Variants in SWI5 observed in about 807,000 individuals in gnomAD.
SWI5 encodes the protein DNA repair protein SWI5 homolog.
SWI5 carries 12 observed loss-of-function variants against 17.0 expected under a neutral mutation model. That is an observed-to-expected ratio of 0.71 (90% CI 0.45 to 1.14). SWI5 has a LOEUF of 1.14. SWI5 is among the 50% of genes most tolerant of loss of function. The pLI is 0.00. For synonymous variants in SWI5, 61 were observed against 64.0 expected, an observed-to-expected ratio of 0.95 and a Z score of 0.22; for missense variants, 158 against 162.2, an observed-to-expected ratio of 0.97 and a Z score of 0.14.
intron 2 of SWI5, among the ~76,000 whole-genome samples, chr9:128,283,374 G>A (rs1409197125): frequency 6.6e-6 from 1 of 152,222 alleles, no homozygotes; most frequent in Non-Finnish European, 1.5e-5. Context: ...GTGTGCACCT[G>A]TAATCCCAGC....
chr9:128,276,903 C>T (rs531954449), intron 2 of SWI5, 148 bp downstream of exon 2: 7 of 806,562 alleles, frequency 8.7e-6, no homozygotes, highest in Non-Finnish European at 1.4e-5. Flanking sequence ...CCAGGTCATT[C>T]CCGAATCCCT....
intron 2 of SWI5, among the ~76,000 whole-genome samples, chr9:128,277,608 C>G (rs540780347): frequency 5.9e-5 from 9 of 152,328 alleles, no homozygotes; most frequent in African/African-American, 1.7e-4. Flanking sequence ...ATTGATTTAG[C>G]AACTGCTGCA....
chr9:128,278,517 A>G (rs1041128408), intron 2 of SWI5: 3 of 398,122 alleles, frequency 7.5e-6, no homozygotes, highest in African/African-American at 6.4e-5. Flanking sequence ...CAGTGAGCCG[A>G]GATCACCCTG....
intron 2 of SWI5, among the ~76,000 whole-genome samples, chr9:128,281,216 T>C (rs1348204835): frequency 6.6e-6 from 1 of 151,846 alleles, no homozygotes; most frequent in African/African-American, 2.4e-5. Flanking sequence ...TTTTGTATTT[T>C]CAGTAGAGAC....
exon 1 of SWI5, chr9:128,276,334 T>C: frequency 6.2e-7 from 1 of 1,613,156 alleles, no homozygotes; most frequent in Non-Finnish European, 8.5e-7. Flanking sequence ...GCTCTCCGAC[T>C]CCCGCGCTGG....
chr9:128,277,586 T>C (rs1334495025), intron 2 of SWI5, among the ~76,000 whole-genome samples: 3 of 152,094 alleles, frequency 2.0e-5, no homozygotes, highest in African/African-American at 7.2e-5. Flanking sequence ...GGGAAAGACT[T>C]GGTATTTGTT....
rs200812021 is a variant in SWI5, at chr9:128,276,323, C to T, written c.-18C>T. ...TCCTGGCCCGGTGCACCTGAGAGGT[C>T]GCTCTCCGACTCCCGCGCTGGACCC... On this transcript the variant is annotated 5_prime_UTR_variant, in exon 1 of 5. Transcript: ENST00000418976. The T allele has an allele frequency of 2.1e-5, 34 of 1,613,096 alleles. No homozygotes were observed. In the African/African-American group the frequency reaches 3.7e-4, roughly 18 times the overall value.
At chr9:128,276,085 T>A, upstream of SWI5, 3 of 1,571,306 alleles carry the variant, frequency 1.9e-6, no homozygotes, top group Non-Finnish European at 2.6e-6. Flanking sequence ...AATGGGGGCG[T>A]GGCCTCAAAG....
intron 4 of SWI5, among the ~76,000 whole-genome samples, chr9:128,288,349 C>T (rs1831680930): frequency 5.3e-5 from 8 of 152,218 alleles, no homozygotes; most frequent in Admixed American, 5.2e-4. Flanking sequence ...ATCGAGGAAG[C>T]TCTGTTTCAT....
In SWI5 at chr9:128,286,043, T is replaced by A. The variant is rs1381127768; in HGVS notation, c.328+10T>A. The A allele has an allele frequency of 6.2e-7, 1 of 1,602,280 alleles. No homozygotes were observed. The highest frequency in any genetic ancestry group is 8.6e-7 in the Non-Finnish European group (1 of 1,169,314). On this transcript the variant is annotated intron_variant, in intron 4 of 4. Transcript: ENST00000418976. Reference sequence around the variant, plus strand: ...CTGATGGGCAAACTAGGTGAGTAGTTGGGACTCCAGAGCCACAAGCAGGCA... The same window carrying A: ...CTGATGGGCAAACTAGGTGAGTAGTAGGGACTCCAGAGCCACAAGCAGGCA...
rs190726507 is a variant in SWI5 at position 128,286,265 on chromosome 9, G to A, written c.328+232G>A. The A allele has an allele frequency of 9.8e-4, 489 of 501,316 alleles. 1 individual carries two copies. The highest frequency in any genetic ancestry group is 7.7e-3 in the African/African-American group (403 of 52,320). 31.1% of individuals were successfully genotyped at this position (501,316 alleles called of 1,614,324 possible). A position where few individuals can be genotyped will look rare whatever the true frequency, so the allele number is the denominator to read the frequency against. Reference sequence around the variant, plus strand: ...TTTGGAGCCGCAGCCAGGTTTGAGCGGGGCTTGCCCATCTGCCAGACTGAG... The same window carrying A: ...TTTGGAGCCGCAGCCAGGTTTGAGCAGGGCTTGCCCATCTGCCAGACTGAG... On this transcript the variant is annotated intron_variant, in intron 4 of 4. Coordinates refer to ENST00000418976, the Ensembl canonical transcript of SWI5.
rs1421419774 is a variant in SWI5, at chr9:128,285,094, C to A, written c.233+463C>A. The stretch of plus-strand genomic sequence containing the variant: ...AGGCAGGAGAATCGCTTGAACCTGG[C>A]AGGCAGAGGTTGCAGTGAGGCGAGA... On this transcript the variant is annotated intron_variant, in intron 3 of 4. Coordinates refer to ENST00000418976, the Ensembl canonical transcript of SWI5. This position sits in a 1 kb window ranked among gnomAD's most constrained non-coding sequence, Gnocchi z 4.8. 6.6e-6 allele frequency among the ~76,000 whole-genome samples: 1 copy of A among 150,850 alleles called. No individual in the cohort carries two copies. Among genetic ancestry groups the A allele is most frequent in the Admixed American group, 6.6e-5 (1 of 15,146 alleles).
At chr9:128,276,510 A>G in intron 1 of SWI5, 108 bp downstream of exon 1, 1 of 1,571,724 alleles carries the variant, frequency 6.4e-7, no homozygotes, top group South Asian at 1.2e-5. Flanking sequence ...AGTGCTCCAG[A>G]CAACCCCCGT....
intron 2 of SWI5, among the ~76,000 whole-genome samples, chr9:128,282,469 G>A (rs1426440162): frequency 6.6e-6 from 1 of 152,178 alleles, no homozygotes; most frequent in African/African-American, 2.4e-5. Context: ...TACTGTTGTA[G>A]ACAGGGCTGT....
intron 2 of SWI5, chr9:128,278,741 T>A (rs1483445407): frequency 1.3e-4 from 56 of 442,578 alleles, no homozygotes; most frequent in Middle Eastern, 6.8e-4. Context: ...GCTGGGGGCT[T>A]TAAACTGAGA....
At chr9:128,286,795 G>T (rs1006092117) in intron 4 of SWI5, among the ~76,000 whole-genome samples, 3 of 152,090 alleles carry the variant, frequency 2.0e-5, no homozygotes, top group Non-Finnish European at 4.4e-5. Context: ...TGAAAAGAGC[G>T]GGGTGATCAG....
upstream of SWI5, chr9:128,275,982 C>A: frequency 1.3e-6 from 2 of 1,599,226 alleles, no homozygotes; most frequent in Admixed American, 3.5e-5. Context: ...CACATCAGCG[C>A]GATCCCGGCA....
chr9:128,275,901 T>C, upstream of SWI5: 4 of 1,565,778 alleles, frequency 2.6e-6, no homozygotes, highest in Non-Finnish European at 3.5e-6. Flanking sequence ...ACCTTTTTCT[T>C]CGCTGCGGCC....
intron 2 of SWI5, among the ~76,000 whole-genome samples, chr9:128,280,711 G>T (rs1364079128): frequency 6.6e-6 from 1 of 152,026 alleles, no homozygotes; most frequent in Non-Finnish European, 1.5e-5. Context: ...TAGAGACGGG[G>T]TTTCACCATG....
Sources: gnomAD v4.1 joint callset for allele counts (sites outside exome capture counted in the v4.1 genomes callset) on GRCh38, gnomAD v4.1.1 for gene constraint, Gnocchi (gnomAD v3.1) non-coding constraint, MANE v1.5 for transcripts, NCBI Gene and HGNC (gene_info 2026-07-23, HGNC 2026-07-21) for gene names.